The following CACNA1B variants were observed in gnomAD, a reference collection of about 807,000 sequenced individuals.
The protein encoded by CACNA1B is voltage-dependent N-type calcium channel subunit alpha-1B.
A neutral mutation model predicts 247.2 loss-of-function variants in CACNA1B; 70 were observed. The ratio of observed to expected loss-of-function variants is 0.28; its 90% CI spans 0.23 to 0.35. The LOEUF (loss-of-function observed/expected upper bound fraction) is 0.35. CACNA1B is among the 10% of genes least tolerant of loss of function. The probability of loss-of-function intolerance (pLI) is 1.00; values close to 1 mark genes in which losing one functional copy is unlikely to be tolerated. For synonymous variants in CACNA1B, 1,231 were observed against 1,294.4 expected (o/e 0.95, Z 1.05); for missense variants, 2,367 against 3,197.4 (o/e 0.74, Z 6.26).
At chr9:137,976,696 A>G (rs987309249) in intron 12 of CACNA1B, among the ~76,000 whole-genome samples, 8 of 132,218 alleles carry the variant, frequency 6.1e-5, no homozygotes, top group African/African-American at 2.1e-4. Flanking sequence ...GAGAATTACC[A>G]ACTTATGTAG....
intron 36 of CACNA1B, among the ~76,000 whole-genome samples, chr9:138,089,274 G>T (rs1161153562): frequency 6.6e-6 from 1 of 152,132 alleles, no homozygotes; most frequent in African/African-American, 2.4e-5. Flanking sequence ...ATAGTATTTT[G>T]TAGTAATTAG....
intron 18 of CACNA1B, among the ~76,000 whole-genome samples, chr9:138,013,705 G>A: frequency 6.6e-6 from 1 of 152,250 alleles, no homozygotes; most frequent in East Asian, 1.9e-4. Context: ...AGATGTTAGA[G>A]GAAGTTATTC....
At chr9:138,101,084 C>T (rs761116239) in intron 37 of CACNA1B, 1 of 526,442 alleles carries the variant, frequency 1.9e-6, no homozygotes, top group South Asian at 1.4e-5. Flanking sequence ...TTGCCATAAC[C>T]TGTGACATTT....
chr9:137,885,127 C>T (rs1158683357), intron 3 of CACNA1B, among the ~76,000 whole-genome samples: 3 of 149,888 alleles, frequency 2.0e-5, no homozygotes, highest in African/African-American at 7.4e-5. Context: ...GCAGCAGGGC[C>T]TGGGCGTTGC....
chr9:138,029,759 C>T (rs959619090), intron 20 of CACNA1B, among the ~76,000 whole-genome samples: 1 of 151,796 alleles, frequency 6.6e-6, no homozygotes, highest in African/African-American at 2.4e-5. Flanking sequence ...ATTACAGGCA[C>T]GCACCACCAC....
chr9:138,046,689 C>T (rs1476749809), intron 21 of CACNA1B, among the ~76,000 whole-genome samples: 1 of 152,264 alleles, frequency 6.6e-6, no homozygotes, highest in Non-Finnish European at 1.5e-5. Context: ...TTCCCCACCC[C>T]CCGTCCCGGG....
chr9:138,040,019 G>A (rs1202535787), intron 20 of CACNA1B, among the ~76,000 whole-genome samples: 2 of 152,080 alleles, frequency 1.3e-5, no homozygotes, highest in African/African-American at 2.4e-5. Context: ...GGCTTTTCAC[G>A]TAGCCATCAC....
intron 7 of CACNA1B, among the ~76,000 whole-genome samples, chr9:137,953,815 G>A (rs1489566718): frequency 1.3e-5 from 2 of 152,126 alleles, no homozygotes; most frequent in African/African-American, 4.8e-5. Context: ...GTGGGGAGAG[G>A]GCACAGGGGC....
chr9:138,031,850 G>A (rs1958991463), intron 20 of CACNA1B, among the ~76,000 whole-genome samples: 1 of 151,948 alleles, frequency 6.6e-6, no homozygotes, highest in African/African-American at 2.4e-5. Context: ...TATGTGCATG[G>A]TATATATTTT....
At chr9:137,885,202 G>A (rs1301650231) in intron 3 of CACNA1B, among the ~76,000 whole-genome samples, 1 of 151,458 alleles carries the variant, frequency 6.6e-6, no homozygotes, top group Non-Finnish European at 1.5e-5. Flanking sequence ...GGTTGTGCAG[G>A]GAACCCCGGG....
In CACNA1B at chr9:138,001,567, C is replaced by T. The variant is rs73570269; in HGVS notation, c.1975-5200C>T. ...TAAGGATGCCTACTATTCAAGCAGTCGAAGCTAATGTCGTAAGAAAAAAGA... is the reference window on the plus strand; with the variant it reads ...TAAGGATGCCTACTATTCAAGCAGTTGAAGCTAATGTCGTAAGAAAAAAGA... On this transcript the variant is annotated intron_variant, in intron 15 of 46. Coordinates refer to ENST00000371372, the MANE Select transcript of CACNA1B (RefSeq NM_000718.4). Among the ~76,000 whole-genome samples, 851 of 151,102 alleles carry T rather than the reference C, an allele frequency of 5.6e-3. 9 individuals carry two copies. The highest frequency in any genetic ancestry group is 0.02 in the African/African-American group (822 of 41,164).
intron 20 of CACNA1B, among the ~76,000 whole-genome samples, chr9:138,034,785 T>A (rs1180450640): frequency 6.6e-6 from 1 of 151,720 alleles, no homozygotes; most frequent in African/African-American, 2.4e-5. Context: ...TGTGCAAGGA[T>A]CTTGTAGTCC....
chr9:137,878,322 T>A, intron 1 of CACNA1B, 105 bp downstream of exon 1: 1 of 1,041,828 alleles, frequency 9.6e-7, no homozygotes, highest in Non-Finnish European at 1.2e-6. Flanking sequence ...TGGGGAGGCG[T>A]CGGGAGACGG....
intron 13 of CACNA1B, among the ~76,000 whole-genome samples, chr9:137,985,290 G>A (rs1388349005): frequency 1.3e-5 from 2 of 152,230 alleles, no homozygotes; most frequent in Non-Finnish European, 2.9e-5. Flanking sequence ...GTCCCGCTGG[G>A]TCCATGAATC....
chr9:138,024,060 T>G (rs367596945), intron 19 of CACNA1B, among the ~76,000 whole-genome samples: 21 of 152,312 alleles, frequency 1.4e-4, no homozygotes, highest in African/African-American at 4.1e-4. Flanking sequence ...GGCAGAGTGT[T>G]TGTGCTCCGT....
At chr9:137,911,886 C>T (rs192040485) in intron 3 of CACNA1B, among the ~76,000 whole-genome samples, 143 of 152,246 alleles carry the variant, frequency 9.4e-4, no homozygotes, top group Non-Finnish European at 1.7e-3. Flanking sequence ...AGAGAAGGAC[C>T]GGAGTCAGGG....
chr9:138,020,702 G>C lies in CACNA1B; in HGVS notation c.2268-2309G>C, dbSNP rs1450530719. ...CAGGTGCCCTAGCGTAGGCTGCTCA[G>C]CATGTTGCTCTGCCTGGGTGGTCAC... On this transcript the variant is annotated intron_variant, in intron 18 of 46. Transcript: ENST00000371372. This position sits in a 1 kb window ranked among gnomAD's most constrained non-coding sequence, Gnocchi z 4.1. 1.3e-5 allele frequency among the ~76,000 whole-genome samples: 2 copies of C among 152,194 alleles called. No individual in the cohort carries two copies. The highest frequency in any genetic ancestry group is 2.9e-5 in the Non-Finnish European group (2 of 68,006).
At chr9:137,978,071 C>T (rs1312654781) in intron 12 of CACNA1B, among the ~76,000 whole-genome samples, 1 of 117,960 alleles carries the variant, frequency 8.5e-6, no homozygotes, top group Non-Finnish European at 1.7e-5. Flanking sequence ...GAAGGAGTGA[C>T]AGGTGGGAGC....
chr9:138,122,030 C>T lies in CACNA1B; in HGVS notation c.*31C>T. 1 of 1,557,126 alleles carries T rather than the reference C, an allele frequency of 6.4e-7. No individual in the cohort carries two copies. The highest frequency in any genetic ancestry group is 8.7e-7 in the Non-Finnish European group (1 of 1,152,740). On this transcript the variant is annotated 3_prime_UTR_variant, in exon 47 of 47. Transcript: ENST00000371372. Reference sequence around the variant, plus strand: ...CCGTGACCGCTCAGACGCCTGCATGCAGCAGGCGTGTGTTCCAGTGGATGA... The same window carrying T: ...CCGTGACCGCTCAGACGCCTGCATGTAGCAGGCGTGTGTTCCAGTGGATGA...
Sources: allele counts gnomAD v4.1 joint callset (sites outside exome capture counted in the v4.1 genomes callset), GRCh38; gene constraint gnomAD v4.1.1; non-coding constraint Gnocchi (gnomAD v3.1); transcripts MANE v1.5; gene names NCBI Gene and HGNC (gene_info 2026-07-23, HGNC 2026-07-21).